The following TG variants were observed in gnomAD, a reference collection of about 807,000 sequenced individuals.
TG encodes the protein thyroid hormones.
In TG, 270 loss-of-function variants were observed where a neutral mutation model predicts 324.7. That is an observed-to-expected ratio of 0.83 (90% CI 0.75 to 0.92). The LOEUF (loss-of-function observed/expected upper bound fraction) is 0.92, where lower values mean the gene tolerates loss of function less well. TG is among the 40% of genes least tolerant of loss of function. The probability of loss-of-function intolerance (pLI) is 0.00; values close to 1 mark genes in which losing one functional copy is unlikely to be tolerated. For missense variants in TG, 3,591 were observed against 3,456.4 expected (o/e 1.04, Z -0.98); for synonymous variants, 1,401 against 1,327.0 (o/e 1.06, Z -1.21).
intron 23 of TG, among the ~76,000 whole-genome samples, chr8:132,932,524 G>A (rs1822869303): frequency 1.3e-5 from 2 of 152,194 alleles, no homozygotes; most frequent in African/African-American, 4.8e-5. Flanking sequence ...GCAAAAATCA[G>A]TATTAATAAT....
intron 35 of TG, 62 bp downstream of exon 35, chr8:132,983,474 T>C: frequency 6.6e-7 from 1 of 1,509,400 alleles, no homozygotes. Context: ...TTCTTTCTCC[T>C]CTTCCCCCTT....
At chr8:133,038,206 C>T (rs968242581) in intron 41 of TG, 21 of 364,762 alleles carry the variant, frequency 5.8e-5, no homozygotes, top group South Asian at 3.6e-4. Context: ...GTCCTGGTGC[C>T]CTTTCTTGTG....
At chr8:133,079,319 A>G (rs1467598961) in intron 41 of TG, among the ~76,000 whole-genome samples, 2 of 152,254 alleles carry the variant, frequency 1.3e-5, no homozygotes, top group Non-Finnish European at 2.9e-5. Flanking sequence ...TAATGACCAT[A>G]GGCAAATAAT....
chr8:133,010,980 C>A (rs1439620147), intron 35 of TG, among the ~76,000 whole-genome samples: 1 of 152,184 alleles, frequency 6.6e-6, no homozygotes, highest in Non-Finnish European at 1.5e-5. Context: ...GTCATTTTAA[C>A]CTCTTGTGTC....
chr8:133,050,336 A>C (rs536154252), intron 41 of TG: 10 of 317,240 alleles, frequency 3.2e-5, no homozygotes, highest in Admixed American at 2.6e-4. Flanking sequence ...AGATAGTTTC[A>C]TATATCTGAA....
chr8:133,133,334 G>C (rs1289921781), intron 46 of TG, 136 bp from the exon 47 acceptor site: 4 of 885,162 alleles, frequency 4.5e-6, no homozygotes, highest in Non-Finnish European at 7.5e-6. Context: ...CAGATTTAGG[G>C]AGTTCACATG....
chr8:133,049,589 T>C (rs1387435119), intron 41 of TG: 3 of 353,502 alleles, frequency 8.5e-6, no homozygotes, highest in African/African-American at 6.2e-5. Context: ...CACTGACTTC[T>C]AGTCTCTGCA....
chr8:133,014,971 T>C (rs1834887069), intron 37 of TG, among the ~76,000 whole-genome samples: 3 of 152,184 alleles, frequency 2.0e-5, no homozygotes. Flanking sequence ...CTGCAACCTC[T>C]GCCCCCCGGG....
At chr8:133,038,916 T>A (rs186701421) in intron 41 of TG, among the ~76,000 whole-genome samples, 1 of 152,198 alleles carries the variant, frequency 6.6e-6, no homozygotes, top group African/African-American at 2.4e-5. Context: ...CTCGCTCTGT[T>A]GCCCAGGCTG....
At chr8:132,945,953 T>C (rs1825204765) in intron 26 of TG, among the ~76,000 whole-genome samples, 1 of 152,046 alleles carries the variant, frequency 6.6e-6, no homozygotes, top group South Asian at 2.1e-4. Flanking sequence ...TGGAATGAGC[T>C]GATTCCTAAA....
chr8:132,984,629 G>T (rs1257860230), intron 35 of TG, among the ~76,000 whole-genome samples: 1 of 152,092 alleles, frequency 6.6e-6, no homozygotes, highest in East Asian at 1.9e-4. Context: ...TAATCAAAAA[G>T]TCCCAAAAGA....
chr8:133,121,683 C>T (rs1370366459), intron 45 of TG, among the ~76,000 whole-genome samples: 2 of 152,216 alleles, frequency 1.3e-5, no homozygotes, highest in Non-Finnish European at 2.9e-5. Context: ...ATTTCTTCAT[C>T]TGGCAAATGG....
At chr8:133,045,163 C>T in intron 41 of TG, 1 of 1,607,288 alleles carries the variant, frequency 6.2e-7, no homozygotes, top group South Asian at 1.1e-5. Flanking sequence ...GTCCTCACCC[C>T]AAGGCACCCA....
chr8:133,075,229 C>T (rs774277389), intron 41 of TG: 4 of 670,952 alleles, frequency 6.0e-6, no homozygotes, highest in Non-Finnish European at 7.4e-6. Context: ...GGTCTTCTTT[C>T]TCTAATTAAA....
intron 41 of TG, among the ~76,000 whole-genome samples, chr8:133,093,347 A>C (rs1409587545): frequency 6.6e-6 from 1 of 150,784 alleles, no homozygotes; most frequent in Admixed American, 6.6e-5. Flanking sequence ...CCTGGGAGTT[A>C]GGATTCTTCT....
Position 132,919,447 on chromosome 8 carries a change from C to T in TG, c.4450C>T (p.Gln1484Ter), listed in dbSNP as rs1180343164. ...IPCPVGFYQEQAGSLACVPCP... is the reference protein window; with the variant it reads ...IPCPVGFYQE ...TTGTCCTGTTGGATTCTACCAAGAACAGGCAGGGAGCTTGGCCTGTGTCCC... is the reference window on the plus strand; with the variant it reads ...TTGTCCTGTTGGATTCTACCAAGAATAGGCAGGGAGCTTGGCCTGTGTCCC... The change falls in exon 21 of 48, where the codon CAG becomes TAG. Residue 1484 changes from glutamine to a stop codon, truncating the protein, a stop_gained. Transcript: ENST00000220616. LOFTEE classifies it high-confidence loss of function. 1 of 1,614,148 alleles carries T rather than the reference C, an allele frequency of 6.2e-7. No homozygotes were observed. Among genetic ancestry groups the T allele is most frequent in the Admixed American group, 1.7e-5 (1 of 60,018 alleles).
rs746697941 is a variant in TG at position 132,887,048 on chromosome 8, A to G, written c.1676A>G (p.Gln559Arg). The G allele has an allele frequency of 6.2e-7, 1 of 1,614,228 alleles. No individual in the cohort carries two copies. Among genetic ancestry groups the G allele is most frequent in the East Asian group, 2.2e-5 (1 of 44,888 alleles). The change falls in exon 9 of 48, where the codon CAA becomes CGA. Residue 559 changes from glutamine to arginine, a missense_variant. Coordinates refer to ENST00000220616, the MANE Select transcript of TG (RefSeq NM_003235.5). ...AGCTTTGGCTTTGAAATTAACCTACAAGAGAACCAAAATGCCCTCAAATTC... is the reference window on the plus strand; with the variant it reads ...AGCTTTGGCTTTGAAATTAACCTACGAGAGAACCAAAATGCCCTCAAATTC... ...VGSFGFEINL[Q>R]ENQNALKFLA...
chr8:132,956,943 G>A (rs1167023286), intron 27 of TG, among the ~76,000 whole-genome samples: 1 of 152,116 alleles, frequency 6.6e-6, no homozygotes, highest in African/African-American at 2.4e-5. Context: ...GATGGAGAAG[G>A]AGTCAAGGAC....
At chr8:132,899,127 G>A in intron 14 of TG, 1 of 589,326 alleles carries the variant, frequency 1.7e-6, no homozygotes, top group Non-Finnish European at 3.1e-6. Context: ...ATAAGATCAG[G>A]CCACATTTTG....
Sources: allele counts gnomAD v4.1 joint callset (sites outside exome capture counted in the v4.1 genomes callset), GRCh38; gene constraint gnomAD v4.1.1; transcripts MANE v1.5; gene names NCBI Gene and HGNC (gene_info 2026-07-23, HGNC 2026-07-21).